Variants in HDAC8 observed in about 807,000 individuals in gnomAD.
HDAC8 encodes histone deacetylase-like 1.
In HDAC8, 1 loss-of-function variant was observed where a neutral mutation model predicts 32.2. The ratio of observed to expected loss-of-function variants is 0.03; its 90% CI spans 0.01 to 0.15. The LOEUF is 0.15. HDAC8 is among the 10% of genes least tolerant of loss of function. The pLI is 1.00. For missense variants in HDAC8, 117 were observed against 300.0 expected (o/e 0.39, Z 4.51); for synonymous variants, 108 against 113.9 (o/e 0.95, Z 0.33).
chrX:72,340,329 G>A (rs1385613378), intron 10 of HDAC8, among the ~76,000 whole-genome samples: 1 of 111,557 alleles, frequency 9.0e-6, no homozygotes, highest in Admixed American at 9.5e-5. Flanking sequence ...AGAGCTCCGA[G>A]GTTCTTTGGT....
At chrX:72,569,952 T>C (rs949473380) in intron 2 of HDAC8, among the ~76,000 whole-genome samples, 1 of 112,263 alleles carries the variant, frequency 8.9e-6, no homozygotes, top group Admixed American at 9.4e-5. Context: ...ATATACACAT[T>C]CAAGTTGAAG....
chrX:72,502,176 G>A (rs782767658), intron 4 of HDAC8, among the ~76,000 whole-genome samples: 7 of 111,848 alleles, frequency 6.3e-5, no homozygotes, highest in Non-Finnish European at 9.4e-5. Context: ...GTTGATGGGA[G>A]AGTAAACCAG....
intron 9 of HDAC8, among the ~76,000 whole-genome samples, chrX:72,445,982 G>T: frequency 8.9e-6 from 1 of 112,200 alleles, no homozygotes; most frequent in Non-Finnish European, 1.9e-5. Flanking sequence ...AAACCACAAT[G>T]AGATACAATC....
intron 4 of HDAC8, among the ~76,000 whole-genome samples, chrX:72,553,728 C>T (rs1352338429): frequency 1.8e-5 from 2 of 111,620 alleles, no homozygotes; most frequent in Non-Finnish European, 3.8e-5. Flanking sequence ...AAAAGTCAGC[C>T]CTCTGTATAT....
chrX:72,329,626 C>G lies in HDAC8; in HGVS notation c.*428G>C. The G allele has an allele frequency of 8.6e-7, 1 of 1,164,372 alleles. No individual in the cohort carries two copies. The highest frequency in any genetic ancestry group is 3.2e-5 in the East Asian group (1 of 31,398). ...CTGATCAGTACCCTCTCTCCCAGGG[C>G]TCCACCTGGATGGTCCTGAGGCCCA... On this transcript the variant is annotated 3_prime_UTR_variant, in exon 11 of 11. Transcript: ENST00000373573.
intron 4 of HDAC8, among the ~76,000 whole-genome samples, chrX:72,535,714 T>C (rs1182280197): frequency 1.8e-5 from 2 of 112,206 alleles, no homozygotes; most frequent in African/African-American, 6.5e-5. Context: ...GATAATTCTT[T>C]GTAAATCAAA....
In HDAC8 at chrX:72,379,659, G is replaced by A. The variant is rs143462795; in HGVS notation, c.1006-27821C>T. On this transcript the variant is annotated intron_variant, in intron 9 of 10. Transcript: ENST00000373573. ...ATTACAGGCATGCGCCATGACGCCC[G>A]GCTAATTTTCTTTTGTATTTTCAGT... 6.9e-3 allele frequency among the ~76,000 whole-genome samples: 752 copies of A among 109,014 alleles called. 8 individuals carry two copies. The highest frequency in any genetic ancestry group is 0.024 in the African/African-American group (709 of 29,914). The allele number at this position is 109,014 out of a possible 115,157, so 94.7% of individuals were successfully genotyped here.
intron 7 of HDAC8, among the ~76,000 whole-genome samples, chrX:72,471,635 G>A (rs1339712004): frequency 8.9e-6 from 1 of 112,046 alleles, no homozygotes; most frequent in Non-Finnish European, 1.9e-5. Context: ...GTGCTTATTG[G>A]ATATTTGTGT....
At chrX:72,363,824 T>C (rs1172698934) in intron 9 of HDAC8, among the ~76,000 whole-genome samples, 1 of 112,482 alleles carries the variant, frequency 8.9e-6, no homozygotes, top group South Asian at 3.7e-4. Context: ...TCCACCCGCC[T>C]TGGCCTCCCA....
intron 9 of HDAC8, among the ~76,000 whole-genome samples, chrX:72,366,499 C>A (rs1034035588): frequency 2.7e-5 from 3 of 112,328 alleles, no homozygotes; most frequent in Admixed American, 9.4e-5. Flanking sequence ...CTCTGTGTTC[C>A]CACAGCTCAC....
intron 7 of HDAC8, among the ~76,000 whole-genome samples, chrX:72,472,077 T>A (rs965708196): frequency 4.6e-5 from 5 of 108,900 alleles, no homozygotes; most frequent in East Asian, 2.8e-4. Context: ...TATTTATTTT[T>A]TTTTTTTTGA....
At chrX:72,447,301 G>GT (rs782142379) in intron 9 of HDAC8, among the ~76,000 whole-genome samples, 5 of 111,915 alleles carry the variant, frequency 4.5e-5, no homozygotes, top group Non-Finnish European at 7.5e-5. Flanking sequence ...ATCAATAAAC[G>GT]TAATCCATCA....
At chrX:72,502,132 C>T (rs1424254186) in intron 4 of HDAC8, among the ~76,000 whole-genome samples, 3 of 111,432 alleles carry the variant, frequency 2.7e-5, no homozygotes, top group African/African-American at 9.8e-5. Context: ...TACATGCTGG[C>T]GAGGTTGCAG....
chrX:72,353,760 G>A (rs782215448), intron 9 of HDAC8, among the ~76,000 whole-genome samples: 14 of 111,648 alleles, frequency 1.3e-4, no homozygotes, highest in Non-Finnish European at 2.4e-4. Context: ...CTTAGATAGC[G>A]CAACAGAAGA....
At chrX:72,409,910 C>T (rs1224128463) in intron 9 of HDAC8, among the ~76,000 whole-genome samples, 1 of 112,198 alleles carries the variant, frequency 8.9e-6, no homozygotes, top group African/African-American at 3.2e-5. Flanking sequence ...CAATGCCTAG[C>T]CCAAAAGAGG....
intron 9 of HDAC8, among the ~76,000 whole-genome samples, chrX:72,374,218 T>A: frequency 9.0e-6 from 1 of 111,340 alleles, no homozygotes; most frequent in Admixed American, 9.5e-5. Flanking sequence ...CCTAATTTTT[T>A]AAAAAAGTTT....
intron 4 of HDAC8, among the ~76,000 whole-genome samples, chrX:72,529,016 G>T (rs1463737501): frequency 1.8e-5 from 2 of 112,005 alleles, no homozygotes; most frequent in Non-Finnish European, 3.8e-5. Flanking sequence ...CTCAAGCAAG[G>T]CCACATACTA....
intron 4 of HDAC8, among the ~76,000 whole-genome samples, chrX:72,512,814 G>A (rs1178890358): frequency 1.8e-5 from 2 of 110,887 alleles, no homozygotes; most frequent in Non-Finnish European, 3.8e-5. Context: ...AAGCCTCTCA[G>A]TAGGTCCCCA....
chrX:72,431,791 T>C (rs1228781527), intron 9 of HDAC8, among the ~76,000 whole-genome samples: 1 of 112,042 alleles, frequency 8.9e-6, no homozygotes, highest in African/African-American at 3.2e-5. Context: ...TTTTAAACTT[T>C]TGACATCTGG....
Sources: allele counts gnomAD v4.1 joint callset (sites outside exome capture counted in the v4.1 genomes callset), GRCh38; gene constraint gnomAD v4.1.1; transcripts MANE v1.5; gene names NCBI Gene and HGNC (gene_info 2026-07-23, HGNC 2026-07-21).